The following BLTP3B variants were observed in gnomAD, a reference collection of about 807,000 sequenced individuals.
BLTP3B encodes the protein bridge-like lipid transfer protein family member 3B.
the BLTP3B span, among the ~76,000 whole-genome samples, chr12:100,079,688 G>A: frequency 1.3e-5 from 2 of 152,312 alleles, no homozygotes; most frequent in East Asian, 3.9e-4. Flanking sequence ...GTAAAGAGAA[G>A]CCTAATGTTA....
the BLTP3B span, among the ~76,000 whole-genome samples, chr12:100,052,765 ATGT>A: frequency 7.2e-6 from 1 of 138,666 alleles, no homozygotes; most frequent in Non-Finnish European, 1.6e-5. Flanking sequence ...GATCAAATCT[ATGT>A]TGTTGTTATT....
At chr12:100,037,622 G>T in the BLTP3B span, 3 of 1,605,406 alleles carry the variant, frequency 1.9e-6, no homozygotes, top group South Asian at 3.3e-5. Context: ...TTTCAGTTTT[G>T]ACTGCCACTC....
chr12:100,080,121 G>A, the BLTP3B span, among the ~76,000 whole-genome samples: 1 of 152,194 alleles, frequency 6.6e-6, no homozygotes, highest in South Asian at 2.1e-4. Context: ...GAAATGTGGG[G>A]TCAAAGCCCC....
the BLTP3B span, among the ~76,000 whole-genome samples, chr12:100,137,544 G>C: frequency 1.3e-5 from 2 of 152,044 alleles, no homozygotes; most frequent in Non-Finnish European, 2.9e-5. Context: ...ATCTCAAACT[G>C]CTGGGCTCAA....
At chr12:100,095,542 TAAA>T in the BLTP3B span, 1 of 1,023,282 alleles carries the variant, frequency 9.8e-7, no homozygotes. Flanking sequence ...GATATCTAGA[TAAA>T]GAAGATTCTT....
chr12:100,085,122 G>A, the BLTP3B span, among the ~76,000 whole-genome samples: 2 of 152,142 alleles, frequency 1.3e-5, no homozygotes, highest in African/African-American at 4.8e-5. Context: ...TTCTCAAGAT[G>A]TACTCAGCCA....
chr12:100,059,380 A>G, the BLTP3B span: 3 of 1,614,034 alleles, frequency 1.9e-6, no homozygotes, highest in Non-Finnish European at 1.7e-6. Context: ...AAAAAATCAC[A>G]ATCTTTAAAG....
At chr12:100,057,936 T>C in the BLTP3B span, 2 of 1,419,050 alleles carry the variant, frequency 1.4e-6, no homozygotes, top group Non-Finnish European at 1.9e-6. Context: ...TATTTTGTCA[T>C]GAGCTTTTCT....
At chr12:100,134,192 G>A in the BLTP3B span, among the ~76,000 whole-genome samples, 2 of 152,114 alleles carry the variant, frequency 1.3e-5, no homozygotes, top group African/African-American at 4.8e-5. Context: ...TCGCTTCCCA[G>A]TAATTGTTTA....
chr12:100,069,186 T>C, the BLTP3B span, among the ~76,000 whole-genome samples: 142 of 152,238 alleles, frequency 9.3e-4, no homozygotes, highest in Non-Finnish European at 1.5e-3. Flanking sequence ...CACTCCAGCC[T>C]GGGCAACAGA....
At chr12:100,088,200 A>C in the BLTP3B span, among the ~76,000 whole-genome samples, 9 of 152,186 alleles carry the variant, frequency 5.9e-5, no homozygotes, top group Non-Finnish European at 1.2e-4. Context: ...TCTATTGTTT[A>C]AAGGTCTTCA....
At chr12:100,083,195 T>A in the BLTP3B span, 1 of 1,208,100 alleles carries the variant, frequency 8.3e-7, no homozygotes, top group Admixed American at 1.8e-5. Context: ...GTCACTCTTT[T>A]ATTATTAAGG....
At chr12:100,046,855 G>T in the BLTP3B span, among the ~76,000 whole-genome samples, 1 of 152,168 alleles carries the variant, frequency 6.6e-6, no homozygotes, top group Non-Finnish European at 1.5e-5. Flanking sequence ...GTAGAGACGT[G>T]CAAAGTGCAG....
chr12:100,048,456 A>T, the BLTP3B span, among the ~76,000 whole-genome samples: 2 of 152,110 alleles, frequency 1.3e-5, no homozygotes, highest in African/African-American at 4.8e-5. Context: ...CTAAGGTGTG[A>T]TACATGCCTC....
chr12:100,098,419 C>T, the BLTP3B span: 4 of 1,613,850 alleles, frequency 2.5e-6, no homozygotes, highest in South Asian at 3.3e-5. Context: ...TGCATTTACA[C>T]TATAGATCCG....
the BLTP3B span, among the ~76,000 whole-genome samples, chr12:100,068,450 T>C: frequency 6.6e-6 from 1 of 152,222 alleles, no homozygotes; most frequent in Non-Finnish European, 1.5e-5. Flanking sequence ...GAGGATTTCA[T>C]GACCAAGAAC....
the BLTP3B span, among the ~76,000 whole-genome samples, chr12:100,075,169 G>A: frequency 6.6e-6 from 1 of 151,840 alleles, no homozygotes; most frequent in Non-Finnish European, 1.5e-5. Context: ...GCACCACCAC[G>A]CCCAGCTAAG....
At chr12:100,048,073 T>C in the BLTP3B span, 183 of 1,613,308 alleles carry the variant, frequency 1.1e-4, no homozygotes, top group African/African-American at 2.2e-3. Flanking sequence ...GTTTTCTATG[T>C]GGCACTGCAG....
the BLTP3B span, among the ~76,000 whole-genome samples, chr12:100,085,521 TG>T: frequency 1.3e-5 from 2 of 151,428 alleles, no homozygotes; most frequent in African/African-American, 4.9e-5. Context: ...AAATTTAAAA[TG>T]AAAAAAAAAT....
Sources: gnomAD v4.1 joint callset for allele counts (sites outside exome capture counted in the v4.1 genomes callset) on GRCh38, gnomAD v4.1.1 for gene constraint, MANE v1.5 for transcripts, NCBI Gene and HGNC (gene_info 2026-07-23, HGNC 2026-07-21) for gene names.